PPP1R21: variants seen among roughly 807,000 people sequenced by gnomAD.
PPP1R21 encodes the protein protein phosphatase 1 regulatory subunit 21.
Under a neutral mutation model 112.8 loss-of-function variants are expected in PPP1R21, and 85 were observed. The ratio of observed to expected loss-of-function variants is 0.75; its 90% CI spans 0.63 to 0.90. The LOEUF is 0.90. PPP1R21 is among the 40% of genes least tolerant of loss of function. PPP1R21 has a pLI of 0.00. For missense variants in PPP1R21, 1,199 were observed against 901.5 expected (o/e 1.33, Z -4.23); for synonymous variants, 381 against 322.3 (o/e 1.18, Z -1.95).
chr2:48,448,362 CTG>C (rs1481721494), intron 1 of PPP1R21, among the ~76,000 whole-genome samples: 1 of 152,184 alleles, frequency 6.6e-6, no homozygotes, highest in African/African-American at 2.4e-5. Context: ...ACAAAGCAGT[CTG>C]TTCAGTTTGC....
chr2:48,456,979 G>C (rs1003579091), intron 3 of PPP1R21, among the ~76,000 whole-genome samples: 1 of 150,830 alleles, frequency 6.6e-6, no homozygotes, highest in Non-Finnish European at 1.5e-5. Context: ...TTGAATCCAG[G>C]AAGCCGAGGT....
At chr2:48,494,516 T>A (rs1485784236) in intron 15 of PPP1R21, among the ~76,000 whole-genome samples, 1 of 151,698 alleles carries the variant, frequency 6.6e-6, no homozygotes, top group Non-Finnish European at 1.5e-5. Flanking sequence ...AACCTCCGCC[T>A]CCTGGGTTCA....
chr2:48,479,260 T>C (rs987979820), intron 12 of PPP1R21, among the ~76,000 whole-genome samples: 2 of 152,038 alleles, frequency 1.3e-5, no homozygotes, highest in African/African-American at 2.4e-5. Context: ...TCTTTAGGAG[T>C]TGGGAGAGAC....
At chr2:48,505,537 T>G in intron 17 of PPP1R21, 27 bp from the exon 18 acceptor site, 1 of 1,525,658 alleles carries the variant, frequency 6.6e-7, no homozygotes, top group Non-Finnish European at 8.9e-7. Flanking sequence ...CATTCTGTTC[T>G]AAAAGATTTT....
chr2:48,498,715 C>T lies in PPP1R21; in HGVS notation c.1915C>T (p.Pro639Ser). The T allele has an allele frequency of 6.2e-7, 1 of 1,614,154 alleles. No homozygotes were observed. The highest frequency in any genetic ancestry group is 1.1e-5 in the South Asian group (1 of 91,078). The change falls in exon 17 of 22, where the codon CCC (proline) becomes TCC (serine). Residue 639 changes from proline (P) to serine (S), a missense_variant. Coordinates refer to ENST00000294952, the MANE Select transcript of PPP1R21 (RefSeq NM_001135629.3). ...AGCCACAGCTAAGGCTGTGTTGGAG[C>T]CCATTCAGAGCACCAGTCTAGTAAG... ...DEATAKAVLE[P>S]IQSTSLIGTL... is the part of the protein sequence containing the mutation.
chr2:48,481,949 G>C (rs1436948469), intron 13 of PPP1R21, among the ~76,000 whole-genome samples: 2 of 152,090 alleles, frequency 1.3e-5, no homozygotes, highest in Non-Finnish European at 2.9e-5. Flanking sequence ...ATTACCTTCA[G>C]GCTATATGTA....
At chr2:48,467,037 G>C (rs560832366) in intron 9 of PPP1R21, among the ~76,000 whole-genome samples, 7 of 152,254 alleles carry the variant, frequency 4.6e-5, no homozygotes, top group African/African-American at 9.6e-5. Context: ...TTCTCTCCCT[G>C]ATTGTACTCA....
chr2:48,501,090 C>G (rs1262036639), intron 17 of PPP1R21, among the ~76,000 whole-genome samples: 1 of 152,142 alleles, frequency 6.6e-6, no homozygotes, highest in African/African-American at 2.4e-5. Context: ...TCTGATGGGA[C>G]AAGATGACTG....
chr2:48,457,247 C>T (rs1260390795), intron 3 of PPP1R21, among the ~76,000 whole-genome samples: 2 of 152,180 alleles, frequency 1.3e-5, no homozygotes, highest in Non-Finnish European at 2.9e-5. Flanking sequence ...CTGAATACAT[C>T]GTTCTGCAGT....
At position 48,440,768 on chromosome 2, in the gene PPP1R21, T is replaced by C. The variant is rs1666970487; in HGVS notation, c.-186T>C. 1 of 601,642 alleles carries C rather than the reference T, an allele frequency of 1.7e-6. No homozygotes were observed. The highest frequency in any genetic ancestry group is 3.1e-5 in the East Asian group (1 of 32,138). 37.3% of individuals were successfully genotyped at this position (601,642 alleles called of 1,614,324 possible). A position where few individuals can be genotyped will look rare whatever the true frequency, so the allele number is the denominator to read the frequency against. ...GTGGTCGCTCCGCCCCCGGCCCCAC[T>C]CCACCTTCCTCCCACCCCGGGAACC... is the stretch of plus-strand genomic sequence containing the variant. On this transcript the variant is annotated 5_prime_UTR_variant, in exon 1 of 22. Transcript: ENST00000294952.
chr2:48,444,077 C>G (rs1425054448), intron 1 of PPP1R21, among the ~76,000 whole-genome samples: 1 of 151,854 alleles, frequency 6.6e-6, no homozygotes, highest in Non-Finnish European at 1.5e-5. Flanking sequence ...CTGAGGAGCT[C>G]CCATTAAAGA....
At chr2:48,498,811 C>G (rs1169134884) in intron 17 of PPP1R21, 76 bp downstream of exon 17, 3 of 1,437,864 alleles carry the variant, frequency 2.1e-6, no homozygotes, top group African/African-American at 1.4e-5. Flanking sequence ...CAACATTAAC[C>G]ATTGTCTTAG....
At chr2:48,461,101 G>C (rs1572842448) in intron 6 of PPP1R21, 37 bp from the exon 7 acceptor site, 5 of 1,561,022 alleles carry the variant, frequency 3.2e-6, no homozygotes, top group East Asian at 4.8e-5. Flanking sequence ...TCAGTGATTG[G>C]TGATAATGTG....
At chr2:48,480,237 C>G (rs1242002505) in intron 13 of PPP1R21, among the ~76,000 whole-genome samples, 2 of 152,182 alleles carry the variant, frequency 1.3e-5, no homozygotes, top group Admixed American at 1.3e-4. Context: ...TGTGTACAGT[C>G]CTTGTGTACA....
intron 15 of PPP1R21, among the ~76,000 whole-genome samples, chr2:48,494,751 T>C (rs1334420205): frequency 6.6e-6 from 1 of 152,096 alleles, no homozygotes; most frequent in East Asian, 1.9e-4. Context: ...TCTTACTCAC[T>C]CTGTCGCCCA....
At chr2:48,488,828 C>T (rs1244887137) in intron 14 of PPP1R21, among the ~76,000 whole-genome samples, 1 of 152,004 alleles carries the variant, frequency 6.6e-6, no homozygotes, top group African/African-American at 2.4e-5. Context: ...TTGTAATTTC[C>T]ATTAAGAACC....
intron 13 of PPP1R21, among the ~76,000 whole-genome samples, chr2:48,485,914 CTAACTAATATATACAATTGT>C (rs1450650810): frequency 1.8e-4 from 26 of 143,460 alleles, no homozygotes; most frequent in African/African-American, 6.1e-4. Flanking sequence ...ATTGTATATA[CTAACTAATATATACAATTGT>C]ATATACTATA....
At chr2:48,447,016 G>A (rs1165569382) in intron 1 of PPP1R21, among the ~76,000 whole-genome samples, 1 of 152,134 alleles carries the variant, frequency 6.6e-6, no homozygotes, top group Non-Finnish European at 1.5e-5. Flanking sequence ...CTCCTAAAGT[G>A]CTGTGATTAC....
chr2:48,464,611 A>C (rs1668119467), intron 7 of PPP1R21, among the ~76,000 whole-genome samples: 1 of 152,154 alleles, frequency 6.6e-6, no homozygotes, highest in Non-Finnish European at 1.5e-5. Flanking sequence ...TTTAGAAGGG[A>C]GAATGACTGA....
Sources: allele counts gnomAD v4.1 joint callset (sites outside exome capture counted in the v4.1 genomes callset), GRCh38; gene constraint gnomAD v4.1.1; transcripts MANE v1.5; gene names NCBI Gene and HGNC (gene_info 2026-07-23, HGNC 2026-07-21).